Variants in SELENOM observed in about 807,000 individuals in gnomAD.
SELENOM encodes selenoprotein SelM.
SELENOM carries 17 observed loss-of-function variants against 14.5 expected under a neutral mutation model. That is an observed-to-expected ratio of 1.17 (90% CI 0.80 to 1.76). SELENOM has a LOEUF of 1.76. SELENOM is among the 40% of genes most tolerant of loss of function. The probability of loss-of-function intolerance (pLI) is 0.00; values close to 1 mark genes in which losing one functional copy is unlikely to be tolerated. For synonymous variants in SELENOM, 102 were observed against 93.3 expected (o/e 1.09, Z -0.54); for missense variants, 230 against 204.6 (o/e 1.12, Z -0.76).
rs748845418 is a variant in SELENOM at position 31,105,058 on chromosome 22, T to G, written c.350A>C (p.Lys117Thr). Residue 117 changes from lysine (K) to threonine (T), a missense_variant, in exon 5 of 5, where the codon AAG becomes ACG. Coordinates refer to ENST00000400299, the MANE Select transcript of SELENOM (RefSeq NM_080430.4). ...GGGCACCTGCGCGTCGGGCGCCGCCTTGCGGTAGAAGCCGAGCTCCTGCAC... is the reference window on the plus strand; with the variant it reads ...GGGCACCTGCGCGTCGGGCGCCGCCGTGCGGTAGAAGCCGAGCTCCTGCAC... The part of the protein sequence containing the change: ...ALVQELGFYR[K>T]AAPDAQVPPE... The G allele has an allele frequency of 2.5e-6, 4 of 1,612,196 alleles. No homozygotes were observed. The South Asian group carries it at 4.4e-5, about 18-fold the overall frequency.
chr22:31,106,012 T>G, intron 1 of SELENOM, 47 bp from the exon 2 acceptor site: 1 of 1,544,420 alleles, frequency 6.5e-7, no homozygotes, highest in Admixed American at 1.7e-5. Flanking sequence ...TCACGTTTAT[T>G]CCAGTCACAT....
chr22:31,105,581 G>A (rs1033156255), intron 3 of SELENOM, 77 bp downstream of exon 3: 30 of 1,431,342 alleles, frequency 2.1e-5, no homozygotes, highest in Non-Finnish European at 3.0e-5. Flanking sequence ...AAAACCATCT[G>A]CCACCCCTTT....
chr22:31,104,948 C>T lies in SELENOM; in HGVS notation c.*22G>A. 1 of 1,537,682 alleles carries T rather than the reference C, an allele frequency of 6.5e-7. No homozygotes were observed. The highest frequency in any genetic ancestry group is 8.7e-7 in the Non-Finnish European group (1 of 1,146,100). ...CTCCAGGACTCAGGCAGGTAGGTCCCAGCTCCGCCGCGCCCCCGGACCTAC... is the reference window on the plus strand; with the variant it reads ...CTCCAGGACTCAGGCAGGTAGGTCCTAGCTCCGCCGCGCCCCCGGACCTAC... On this transcript the variant is annotated 3_prime_UTR_variant, in exon 5 of 5. Transcript: ENST00000400299.
At position 31,105,705 on chromosome 22, in the gene SELENOM, C is replaced by T; in HGVS notation, c.166-13G>A. ...CGAAAGCCTTCACCTGGGGAGGAACCAGAGCATCAGAGACCATGACCTCAG... is the reference window on the plus strand; with the variant it reads ...CGAAAGCCTTCACCTGGGGAGGAACTAGAGCATCAGAGACCATGACCTCAG... On this transcript the variant is annotated splice_polypyrimidine_tract_variant and intron_variant, in intron 2 of 4. Transcript: ENST00000400299. 6.2e-7 allele frequency: 1 copy of T among 1,613,918 alleles called. No individual in the cohort carries two copies. The highest frequency in any genetic ancestry group is 8.5e-7 in the Non-Finnish European group (1 of 1,179,840).
intron 3 of SELENOM, 162 bp from the exon 4 acceptor site, chr22:31,105,448 G>A (rs1243352927): frequency 1.3e-5 from 11 of 828,922 alleles, no homozygotes; most frequent in Non-Finnish European, 2.1e-5. Flanking sequence ...GTTCAAAGAA[G>A]TAAAGGGCCC....
In SELENOM at chr22:31,105,213, G is replaced by C. The variant is rs1569275738; in HGVS notation, c.274C>G (p.Leu92Val). Reference sequence around the variant, plus strand: ...CCCACCTCCCACGGCCTCACCTCTAGTTCCTCGTAGCGGCGGCCCAGCAGC... The same window carrying C: ...CCCACCTCCCACGGCCTCACCTCTACTTCCTCGTAGCGGCGGCCCAGCAGC... The part of the protein sequence containing the change: ...LVLLGRRYEE[L>V]ERIPLSEMTR... Residue 92 changes from leucine to valine, a missense_variant, in exon 4 of 5, where the codon CTA becomes GTA. Transcript: ENST00000400299. The C allele has an allele frequency of 2.5e-6, 4 of 1,612,576 alleles. No homozygotes were observed. The highest frequency in any genetic ancestry group is 3.4e-6 in the Non-Finnish European group (4 of 1,178,956).
In SELENOM at chr22:31,105,942, G is replaced by T; in HGVS notation, c.153C>A (p.Asn51Lys). ...CCTTCAAACTCACCTCCTTTAGGCG[G>T]TTCAGCTGTCATCCCCCGCAGGTCT... ...RVETCGGUQL[N>K]RLKEVKAFVT... Residue 51 changes from asparagine to lysine, a missense_variant, in exon 2 of 5, where the codon AAC becomes AAA. By Grantham distance (94) the Asn-to-Lys change is moderately conservative. Transcript: ENST00000400299. The T allele has an allele frequency of 6.2e-7, 1 of 1,614,074 alleles. No homozygotes were observed. Among genetic ancestry groups the T allele is most frequent in the Non-Finnish European group, 8.5e-7 (1 of 1,179,964 alleles).
Position 31,104,990 on chromosome 22 carries a change from A to C in SELENOM, c.418T>G (p.Ser140Ala), listed in dbSNP as rs1316931824. ...WAPAKPPEET[S>A]DHADL ...CGGACCTACAGGTCAGCGTGGTCCG[A>C]AGTTTCCTCTGGGGGCTTCGCGGGC... The change falls in exon 5 of 5, where the codon TCG becomes GCG. Residue 140 changes from serine to alanine, a missense_variant. By Grantham distance (99) the Ser-to-Ala change is moderately conservative (BLOSUM62 1). Transcript: ENST00000400299. 3 of 1,595,952 alleles carry C rather than the reference A, an allele frequency of 1.9e-6. No homozygotes were observed. Among genetic ancestry groups the C allele is most frequent in the Admixed American group, 1.8e-5 (1 of 54,368 alleles).
At chr22:31,106,053 T>C in intron 1 of SELENOM, 88 bp from the exon 2 acceptor site, 1 of 1,261,550 alleles carries the variant, frequency 7.9e-7, no homozygotes. Context: ...ATCCCTGAGT[T>C]GGGTCGGGCT....
In SELENOM at chr22:31,105,291, A is replaced by G. The variant is rs911809665; in HGVS notation, c.201-5T>C. ...TGTTTCATCACCAGGTTGTGACTGGAGGTGGTGTTAAGGAGCGGGGTGGTG... is the reference window on the plus strand; with the variant it reads ...TGTTTCATCACCAGGTTGTGACTGGGGGTGGTGTTAAGGAGCGGGGTGGTG... On this transcript the variant is annotated splice_region_variant and splice_polypyrimidine_tract_variant and intron_variant, in intron 3 of 4. Coordinates refer to ENST00000400299, the MANE Select transcript of SELENOM (RefSeq NM_080430.4). 2 of 1,609,178 alleles carry G rather than the reference A, an allele frequency of 1.2e-6. No individual in the cohort carries two copies. Among genetic ancestry groups the G allele is most frequent in the African/African-American group, 2.7e-5 (2 of 74,874 alleles).
At chr22:31,107,211 G>A in intron 1 of SELENOM, 166 bp downstream of exon 1, 1 of 860,742 alleles carries the variant, frequency 1.2e-6, no homozygotes, top group South Asian at 1.8e-5. Context: ...CACGGTGGAT[G>A]CTGGGGCCAT....
At chr22:31,107,094 A>T in intron 1 of SELENOM, 1 of 400,874 alleles carries the variant, frequency 2.5e-6, no homozygotes, top group South Asian at 3.3e-5. Flanking sequence ...CCACGAGAAG[A>T]GTTAGGAGAC....
Position 31,104,935 on chromosome 22 carries a change from G to A in SELENOM, c.*35C>T. On this transcript the variant is annotated 3_prime_UTR_variant, in exon 5 of 5. Transcript: ENST00000400299. ...CGCTTCATTCTGTCTCCAGGACTCA[G>A]GCAGGTAGGTCCCAGCTCCGCCGCG... 1 of 1,524,878 alleles carries A rather than the reference G, an allele frequency of 6.6e-7. No individual in the cohort carries two copies. Among genetic ancestry groups the A allele is most frequent in the Non-Finnish European group, 8.8e-7 (1 of 1,139,936 alleles). The allele number at this position is 1,524,878 out of a possible 1,614,324, so 94.5% of individuals were successfully genotyped here.
In SELENOM at chr22:31,107,346, T is replaced by C. The variant is rs753039206; in HGVS notation, c.129+31A>G. On this transcript the variant is annotated intron_variant, in intron 1 of 4. Transcript: ENST00000400299. ...ATGGGGCCGCAGGGTTGGGGAACGA[T>C]AGTGCCGGGGCTGGAGGCCGGCGTA... is the stretch of plus-strand genomic sequence containing the variant. 1.9e-5 allele frequency: 30 copies of C among 1,579,184 alleles called. No individual in the cohort carries two copies. The East Asian group carries it at 6.7e-4, about 35-fold the overall frequency.
chr22:31,105,680 C>G lies in SELENOM; in HGVS notation c.178G>C (p.Val60Leu), dbSNP rs762587461. 4 of 1,614,114 alleles carry G rather than the reference C, an allele frequency of 2.5e-6. No homozygotes were observed. Among genetic ancestry groups the G allele is most frequent in the Admixed American group, 1.7e-5 (1 of 60,018 alleles). Residue 60 changes from valine (V) to leucine (L), a missense_variant, in exon 3 of 5, where the codon GTC becomes CTC. Transcript: ENST00000400299. The part of the protein sequence containing the change: ...LNRLKEVKAF[V>L]TQDIPFYHNL... ...TACTAGAATGGAATGTCCTGCGTGA[C>G]GAAAGCCTTCACCTGGGGAGGAACC... is the stretch of plus-strand genomic sequence containing the variant.
Position 31,106,224 on chromosome 22 carries a change from G to A in SELENOM, c.130-259C>T, listed in dbSNP as rs546921754. Reference sequence around the variant, plus strand: ...CCCACAGTGTGCCTGCCAGCCTTGGGGCCTGTACATCCTACTGGCTGTGGA... The same window carrying A: ...CCCACAGTGTGCCTGCCAGCCTTGGAGCCTGTACATCCTACTGGCTGTGGA... On this transcript the variant is annotated intron_variant, in intron 1 of 4. Transcript: ENST00000400299. 17 of 568,280 alleles carry A rather than the reference G, an allele frequency of 3.0e-5. No individual in the cohort carries two copies. In the East Asian group the frequency reaches 3.9e-4, roughly 13 times the overall value. The allele number at this position is 568,280 out of a possible 1,614,324, so 35.2% of individuals were successfully genotyped here.
In SELENOM at chr22:31,105,199, C is replaced by G; in HGVS notation, c.279+9G>C. 1 of 1,613,296 alleles carries G rather than the reference C, an allele frequency of 6.2e-7. No homozygotes were observed. Among genetic ancestry groups the G allele is most frequent in the South Asian group, 1.1e-5 (1 of 91,034 alleles). On this transcript the variant is annotated intron_variant, in intron 4 of 4. Coordinates refer to ENST00000400299, the MANE Select transcript of SELENOM (RefSeq NM_080430.4). The stretch of plus-strand genomic sequence containing the variant: ...GGCCTCGCCCCCAGCCCACCTCCCA[C>G]GGCCTCACCTCTAGTTCCTCGTAGC...
intron 1 of SELENOM, chr22:31,107,121 G>A (rs907117703): frequency 4.0e-6 from 2 of 496,898 alleles, no homozygotes; most frequent in African/African-American, 2.0e-5. Flanking sequence ...AGTGTGTCTG[G>A]GTGTCCGCTG....
Position 31,105,960 on chromosome 22 carries a change from G to T in SELENOM, c.135C>A (p.Cys45Ter). ...SGLTRARVET[C>*]GGUQLNRLKE... The stretch of plus-strand genomic sequence containing the variant: ...TTAGGCGGTTCAGCTGTCATCCCCC[G>T]CAGGTCTGGAGGGGGATAAAATGGG... The change falls in exon 2 of 5, where the codon TGC (cysteine) becomes TGA (stop). Residue 45 changes from cysteine (C) to a stop codon, truncating the protein, a stop_gained. Transcript: ENST00000400299. LOFTEE classifies it high-confidence loss of function. 1.2e-6 allele frequency: 2 copies of T among 1,613,708 alleles called. No individual in the cohort carries two copies. Among genetic ancestry groups the T allele is most frequent in the Admixed American group, 1.7e-5 (1 of 60,026 alleles).
Sources: gnomAD v4.1 joint callset for allele counts on GRCh38, gnomAD v4.1.1 for gene constraint, MANE v1.5 for transcripts, NCBI Gene and HGNC (gene_info 2026-07-23, HGNC 2026-07-21) for gene names.